EYS: variants seen among roughly 807,000 people sequenced by gnomAD.
The protein encoded by EYS is protein eyes shut homolog.
A neutral mutation model predicts 282.1 loss-of-function variants in EYS; 250 were observed. The observed-to-expected ratio is 0.89, with a 90% CI of 0.80 to 0.98. The LOEUF (loss-of-function observed/expected upper bound fraction) is 0.98, where lower values mean the gene tolerates loss of function less well. EYS is among the 50% of genes least tolerant of loss of function. EYS has a pLI of 0.00. For missense variants in EYS, 4,016 were observed against 3,709.0 expected, an observed-to-expected ratio of 1.08 and a Z score of -2.15; for synonymous variants, 1,355 against 1,282.9, an observed-to-expected ratio of 1.06 and a Z score of -1.20.
intron 12 of EYS, among the ~76,000 whole-genome samples, chr6:65,114,030 A>G (rs2150190848): frequency 6.6e-6 from 1 of 152,110 alleles, no homozygotes; most frequent in East Asian, 1.9e-4. Flanking sequence ...TATTTGTAAT[A>G]TCTCCATCCA....
chr6:64,504,312 A>C (rs1043248337), intron 26 of EYS, among the ~76,000 whole-genome samples: 2 of 152,190 alleles, frequency 1.3e-5, no homozygotes, highest in Non-Finnish European at 2.9e-5. Context: ...AGGATATTTG[A>C]AAATCACCCT....
chr6:65,317,912 G>A (rs185090188), intron 11 of EYS, among the ~76,000 whole-genome samples: 2,650 of 142,530 alleles, frequency 0.019, 94 homozygotes, highest in Non-Finnish European at 0.027. Context: ...CTGTTGCCCA[G>A]GCTGGAGGGC....
chr6:64,310,972 A>C (rs1365386423), intron 29 of EYS, among the ~76,000 whole-genome samples: 1 of 152,130 alleles, frequency 6.6e-6, no homozygotes, highest in Admixed American at 6.5e-5. Context: ...CATTTATTTC[A>C]AAGGTTCTTG....
At chr6:65,392,636 C>A (rs1766092273) in intron 7 of EYS, among the ~76,000 whole-genome samples, 2 of 152,230 alleles carry the variant, frequency 1.3e-5, no homozygotes, top group Middle Eastern at 3.4e-3. Flanking sequence ...CATCTCACAC[C>A]AGTTAGAATG....
At chr6:65,569,623 G>A (rs1240546948) in intron 2 of EYS, among the ~76,000 whole-genome samples, 1 of 152,078 alleles carries the variant, frequency 6.6e-6, no homozygotes, top group Admixed American at 6.6e-5. Flanking sequence ...TTCAGACTCT[G>A]CACTCAGTGG....
intron 41 of EYS, among the ~76,000 whole-genome samples, chr6:63,748,338 T>C (rs72886339): frequency 0.066 from 10,118 of 152,278 alleles, 466 homozygotes; most frequent in East Asian, 0.16. Context: ...GGATAAAGCC[T>C]ACTTGATTTT....
chr6:65,379,404 C>A (rs373596572), intron 8 of EYS, among the ~76,000 whole-genome samples: 3 of 151,948 alleles, frequency 2.0e-5, no homozygotes, highest in South Asian at 4.1e-4. Flanking sequence ...AGGCCTTCGA[C>A]GAAATTCAAC....
In EYS at chr6:65,112,822, T is replaced by C. The variant is rs117952870; in HGVS notation, c.2024-55095A>G. 6.4e-4 allele frequency among the ~76,000 whole-genome samples: 98 copies of C among 152,282 alleles called. 2 individuals are homozygous for C. In the East Asian group the frequency reaches 0.018, roughly 28 times the overall value. The stretch of plus-strand genomic sequence containing the variant: ...CAGCTATTTCTCTACCAGTTGAAGA[T>C]AATAAAATACTTTACTAAGTAGTCA... On this transcript the variant is annotated intron_variant, in intron 12 of 42. Coordinates refer to ENST00000503581, the MANE Select transcript of EYS (RefSeq NM_001142800.2).
chr6:63,741,083 C>G (rs1582160819), intron 41 of EYS, among the ~76,000 whole-genome samples: 1 of 152,298 alleles, frequency 6.6e-6, no homozygotes, highest in African/African-American at 2.4e-5. Context: ...CTACTGAGTT[C>G]TGGCCAATAG....
At chr6:64,666,226 A>AC (rs896925172) in intron 22 of EYS, among the ~76,000 whole-genome samples, 3 of 152,122 alleles carry the variant, frequency 2.0e-5, no homozygotes, top group Non-Finnish European at 4.4e-5. Context: ...GTTCAAGTGT[A>AC]CCCCCAAACC....
chr6:63,742,103 A>T, intron 41 of EYS: 2 of 634,806 alleles, frequency 3.2e-6, no homozygotes, highest in Non-Finnish European at 5.8e-6. Flanking sequence ...TCACTTGTAC[A>T]TCTGTCCTGC....
At chr6:65,390,232 G>A (rs963660799) in intron 7 of EYS, among the ~76,000 whole-genome samples, 5 of 151,456 alleles carry the variant, frequency 3.3e-5, no homozygotes, top group African/African-American at 9.7e-5. Flanking sequence ...TTCCAAGAGG[G>A]ATACCAAAGT....
intron 12 of EYS, among the ~76,000 whole-genome samples, chr6:65,235,642 G>A (rs532629023): frequency 1.3e-5 from 2 of 152,202 alleles, no homozygotes; most frequent in Admixed American, 6.5e-5. Context: ...CTAATCTTCA[G>A]AGTTTGAGCT....
intron 35 of EYS, among the ~76,000 whole-genome samples, chr6:63,974,805 G>A (rs777453795): frequency 1.4e-4 from 22 of 151,760 alleles, no homozygotes; most frequent in Non-Finnish European, 7.4e-5. Flanking sequence ...CTTATTTGCC[G>A]AAGATCTATC....
chr6:63,720,415 T>G lies in EYS; in HGVS notation c.*181A>C. 1 of 525,742 alleles carries G rather than the reference T, an allele frequency of 1.9e-6. No homozygotes were observed. The highest frequency in any genetic ancestry group is 3.3e-6 in the Non-Finnish European group (1 of 305,570). The allele number at this position is 525,742 out of a possible 1,614,324, so 32.6% of individuals were successfully genotyped here. A position where few individuals can be genotyped will look rare whatever the true frequency, so the allele number is the denominator to read the frequency against. ...AAAATATATACAGATAAATTAGATG[T>G]AGGAAAAACAATCAGAACCTTCAGT... On this transcript the variant is annotated 3_prime_UTR_variant, in exon 43 of 43. Coordinates refer to ENST00000503581, the MANE Select transcript of EYS (RefSeq NM_001142800.2).
intron 6 of EYS, among the ~76,000 whole-genome samples, chr6:65,403,341 A>G (rs931919879): frequency 4.6e-5 from 7 of 151,848 alleles, no homozygotes; most frequent in Non-Finnish European, 7.4e-5. Context: ...ATACAACCTA[A>G]TCATCATATT....
chr6:64,074,918 A>G (rs1771712796), intron 32 of EYS, among the ~76,000 whole-genome samples: 1 of 151,964 alleles, frequency 6.6e-6, no homozygotes, highest in African/African-American at 2.4e-5. Context: ...AGATGAATAG[A>G]TGTACCCTAT....
chr6:65,209,083 C>A (rs982206992), intron 12 of EYS, among the ~76,000 whole-genome samples: 37 of 151,992 alleles, frequency 2.4e-4, no homozygotes, highest in African/African-American at 8.7e-4. Context: ...TGAATGGCAT[C>A]AGGGCTTCTG....
chr6:64,383,241 C>G (rs540219086), intron 29 of EYS, among the ~76,000 whole-genome samples: 1 of 152,158 alleles, frequency 6.6e-6, no homozygotes, highest in Non-Finnish European at 1.5e-5. Context: ...GTCGAGGCTG[C>G]AGTGAGCCAA....
Sources: gnomAD v4.1 joint callset for allele counts (sites outside exome capture counted in the v4.1 genomes callset) on GRCh38, gnomAD v4.1.1 for gene constraint, MANE v1.5 for transcripts, NCBI Gene and HGNC (gene_info 2026-07-23, HGNC 2026-07-21) for gene names.